The following GALNT13 variants were observed in gnomAD, a reference collection of about 807,000 sequenced individuals.
The protein encoded by GALNT13 is UDP-GalNAc:polypeptide N-acetylgalactosaminyltransferase 13.
Under a neutral mutation model 64.2 loss-of-function variants are expected in GALNT13, and 28 were observed. The observed-to-expected ratio is 0.44, with a 90% confidence interval of 0.32 to 0.60. The LOEUF is 0.60. GALNT13 is among the 20% of genes least tolerant of loss of function. The probability of loss-of-function intolerance (pLI) is 0.05; values close to 1 mark genes in which losing one functional copy is unlikely to be tolerated. For synonymous variants in GALNT13, 214 were observed against 224.6 expected (o/e 0.95, Z 0.42); for missense variants, 577 against 669.8 (o/e 0.86, Z 1.53).
chr2:154,179,150 T>C (rs1476167021), intron 4 of GALNT13, among the ~76,000 whole-genome samples: 2 of 152,312 alleles, frequency 1.3e-5, no homozygotes, highest in Middle Eastern at 3.4e-3. Flanking sequence ...CTCTCTTAAC[T>C]CTACCCCAGG....
intron 3 of GALNT13, among the ~76,000 whole-genome samples, chr2:154,077,506 T>C (rs997668390): frequency 1.2e-4 from 18 of 151,290 alleles, no homozygotes; most frequent in African/African-American, 4.1e-4. Flanking sequence ...AGTAAAGGGG[T>C]GGAAAATAAA....
chr2:153,631,057 A>C, the GALNT13 span, among the ~76,000 whole-genome samples: 2 of 151,138 alleles, frequency 1.3e-5, no homozygotes, highest in Non-Finnish European at 2.9e-5. Flanking sequence ...GAGAATATGC[A>C]GTGTTTGGTT....
At chr2:154,385,779 G>A (rs1401509448) in intron 9 of GALNT13, among the ~76,000 whole-genome samples, 1 of 151,836 alleles carries the variant, frequency 6.6e-6, no homozygotes, top group Non-Finnish European at 1.5e-5. Context: ...TTTCAATAAT[G>A]GTCCAATATG....
At chr2:153,638,758 G>T in the GALNT13 span, among the ~76,000 whole-genome samples, 12 of 152,160 alleles carry the variant, frequency 7.9e-5, no homozygotes, top group South Asian at 2.1e-4. Flanking sequence ...GGGTGGGGGT[G>T]TGTGTTCTCT....
At chr2:154,444,371 GT>G (rs1336782944) in intron 12 of GALNT13, among the ~76,000 whole-genome samples, 1 of 152,010 alleles carries the variant, frequency 6.6e-6, no homozygotes, top group Non-Finnish European at 1.5e-5. Context: ...ATGAAAAAAA[GT>G]TTTTAAAAAA....
the GALNT13 span, among the ~76,000 whole-genome samples, chr2:153,439,652 G>A: frequency 6.6e-6 from 1 of 152,310 alleles, no homozygotes; most frequent in East Asian, 1.9e-4. Flanking sequence ...TGTGCCGTTT[G>A]TTAAGCCTGT....
At chr2:153,144,274 A>C in the GALNT13 span, among the ~76,000 whole-genome samples, 9 of 151,898 alleles carry the variant, frequency 5.9e-5, no homozygotes, top group Non-Finnish European at 7.4e-5. Flanking sequence ...GAGAATGGAG[A>C]TCTAGTATTG....
chr2:153,711,656 C>G, the GALNT13 span, among the ~76,000 whole-genome samples: 1 of 152,176 alleles, frequency 6.6e-6, no homozygotes, highest in Admixed American at 6.6e-5. Context: ...GTAGTAGTAC[C>G]AAATAAAGCT....
chr2:153,609,450 G>C, the GALNT13 span, among the ~76,000 whole-genome samples: 1 of 152,074 alleles, frequency 6.6e-6, no homozygotes, highest in Non-Finnish European at 1.5e-5. Context: ...TGACTTCCCT[G>C]CTCCTCTTAC....
chr2:153,075,943 A>G, the GALNT13 span, among the ~76,000 whole-genome samples: 1 of 152,058 alleles, frequency 6.6e-6, no homozygotes, highest in East Asian at 1.9e-4. Flanking sequence ...TAGAAAAGAT[A>G]TATTTCTTAT....
At chr2:153,647,897 C>G in the GALNT13 span, among the ~76,000 whole-genome samples, 3 of 151,916 alleles carry the variant, frequency 2.0e-5, no homozygotes, top group Non-Finnish European at 4.4e-5. Flanking sequence ...AGTCAGGTAG[C>G]GTGATGTCTC....
the GALNT13 span, among the ~76,000 whole-genome samples, chr2:153,472,011 T>C: frequency 6.6e-6 from 1 of 152,218 alleles, no homozygotes; most frequent in South Asian, 2.1e-4. Context: ...TGAGAATATG[T>C]GCGCATGCAT....
chr2:153,757,030 G>A, the GALNT13 span, among the ~76,000 whole-genome samples: 1 of 152,120 alleles, frequency 6.6e-6, no homozygotes, highest in Admixed American at 6.6e-5. Context: ...ATAATTGTAT[G>A]CACTTATGGA....
At chr2:154,239,690 T>G (rs918046824) in intron 4 of GALNT13, among the ~76,000 whole-genome samples, 1 of 152,170 alleles carries the variant, frequency 6.6e-6, no homozygotes, top group Non-Finnish European at 1.5e-5. Context: ...TTTTATTTTC[T>G]TATATGCACA....
chr2:154,179,029 A>G (rs1468945345), intron 4 of GALNT13, among the ~76,000 whole-genome samples: 1 of 152,082 alleles, frequency 6.6e-6, no homozygotes, highest in African/African-American at 2.4e-5. Context: ...AAACTCTTTT[A>G]CCATGGCGTT....
the GALNT13 span, among the ~76,000 whole-genome samples, chr2:153,363,106 A>G: frequency 6.6e-6 from 1 of 152,170 alleles, no homozygotes; most frequent in African/African-American, 2.4e-5. Context: ...AACTACATGG[A>G]AATTGAACAA....
intron 3 of GALNT13, among the ~76,000 whole-genome samples, chr2:154,131,821 G>C (rs191334478): frequency 1.3e-5 from 2 of 152,302 alleles, no homozygotes; most frequent in African/African-American, 4.8e-5. Context: ...GCCAGTCCAA[G>C]TCCCAAAACC....
chr2:153,258,093 TAA>T, the GALNT13 span, among the ~76,000 whole-genome samples: 1 of 152,102 alleles, frequency 6.6e-6, no homozygotes, highest in Admixed American at 6.6e-5. Context: ...GACTCAGCTT[TAA>T]AAAAAGTCTT....
intron 9 of GALNT13, among the ~76,000 whole-genome samples, chr2:154,386,599 ATAATTCCAAATCCTCATTTAGAC>A (rs1698525410): frequency 2.0e-5 from 3 of 152,116 alleles, no homozygotes; most frequent in African/African-American, 7.2e-5. Context: ...AACCAATATC[ATAATTCCAAATCCTCATTTAGAC>A]TTGATAGGGG....
Sources: gnomAD v4.1 joint callset for allele counts (sites outside exome capture counted in the v4.1 genomes callset) on GRCh38, gnomAD v4.1.1 for gene constraint, MANE v1.5 for transcripts, NCBI Gene and HGNC (gene_info 2026-07-23, HGNC 2026-07-21) for gene names.